ZBTB37: variants seen among roughly 807,000 people sequenced by gnomAD.
ZBTB37 encodes the protein zinc finger and BTB domain containing 37.
ZBTB37 carries 15 observed loss-of-function variants against 37.7 expected under a neutral mutation model. That is an observed-to-expected ratio of 0.40 (90% CI 0.27 to 0.61). ZBTB37 has a LOEUF of 0.61. Ranked by LOEUF, ZBTB37 falls within the 20% of genes least tolerant of loss-of-function variation. ZBTB37 has a pLI of 0.44. For synonymous variants in ZBTB37, 231 were observed against 220.6 expected (o/e 1.05, Z -0.42); for missense variants, 514 against 641.9 (o/e 0.80, Z 2.15).
upstream of ZBTB37, chr1:173,868,253 GAGGCA>G (rs145204276): frequency 0.092 from 14,009 of 153,006 alleles, 860 homozygotes; most frequent in East Asian, 0.31. Flanking sequence ...GAGGGGGCGC[GAGGCA>G]AGGAAAGCTC....
intron 3 of ZBTB37, among the ~76,000 whole-genome samples, chr1:173,873,158 C>T (rs549993321): frequency 6.6e-6 from 1 of 152,100 alleles, no homozygotes; most frequent in Admixed American, 6.5e-5. Context: ...AAATTATAGG[C>T]CCCGTTTTAA....
At chr1:173,899,155 A>T (rs1657163721) in exon 4 of ZBTB37, 1 of 152,208 alleles carries the variant, frequency 6.6e-6, no homozygotes, top group South Asian at 2.1e-4. Flanking sequence ...AGGGAGATGA[A>T]GTGGTAAAAT....
At position 173,870,841 on chromosome 1, in the gene ZBTB37, G is replaced by T. The variant is rs1477146055; in HGVS notation, c.616G>T (p.Glu206Ter). 1 of 1,614,244 alleles carries T rather than the reference G, an allele frequency of 6.2e-7. No homozygotes were observed. The highest frequency in any genetic ancestry group is 8.5e-7 in the Non-Finnish European group (1 of 1,180,050). Residue 206 changes from glutamate (E) to a stop codon, truncating the protein, a stop_gained, in exon 3 of 5, where the codon GAG becomes TAG. Coordinates refer to ENST00000427304, the Ensembl canonical transcript of ZBTB37. LOFTEE classifies it high-confidence loss of function. ...GATCATTGAACCAAGTTCTGATGTA[G>T]AGAGCCGGGAGCCCATTCTTCGGAT... is the stretch of plus-strand genomic sequence containing the variant.
chr1:173,870,363 C>G, exon 3 of ZBTB37: 1 of 1,614,166 alleles, frequency 6.2e-7, no homozygotes, highest in Non-Finnish European at 8.5e-7. Flanking sequence ...TTCGGGCTCA[C>G]AAAGTGGTGC....
downstream of ZBTB37, chr1:173,890,410 T>G (rs1373908068): frequency 2.0e-5 from 3 of 152,192 alleles, no homozygotes; most frequent in Admixed American, 6.5e-5. Context: ...AAGTTTTTCT[T>G]TTTTTCAGGT....
rs536370004 is a variant in ZBTB37 at position 173,879,958 on chromosome 1, C to G, written c.1024-5678C>G. ...AAAGCGAGACTGTCTCAAAAAAGAACATGGAGAAAGACCAGCACATTATAT... is the reference window on the plus strand; with the variant it reads ...AAAGCGAGACTGTCTCAAAAAAGAAGATGGAGAAAGACCAGCACATTATAT... On this transcript the variant is annotated intron_variant, in intron 4 of 4. Coordinates refer to ENST00000427304, the Ensembl canonical transcript of ZBTB37. Among the ~76,000 whole-genome samples the G allele has an allele frequency of 1.8e-4, 28 of 152,198 alleles. No individual in the cohort carries two copies. In the South Asian group the frequency reaches 5.8e-3, roughly 32 times the overall value.
chr1:173,881,202 G>GT (rs960517291), intron 4 of ZBTB37, among the ~76,000 whole-genome samples: 4 of 152,044 alleles, frequency 2.6e-5, no homozygotes, highest in Non-Finnish European at 5.9e-5. Flanking sequence ...AGAACATGAG[G>GT]TGTTTGGTTT....
rs149212906 is a variant in ZBTB37 at position 173,878,424 on chromosome 1, G to GAGA, written c.1023+4861_1023+4863dup. On this transcript the variant is annotated intron_variant, in intron 4 of 4. Transcript: ENST00000427304. ...ATGCATTCTATTTTCCCAGGGAAAGGAGAAGGGAAGGAAGGGGAAAGAGTC... is the reference window on the plus strand; with the variant it reads ...ATGCATTCTATTTTCCCAGGGAAAGGAGAAGAAGGGAAGGAAGGGGAAAGAGTC... 4.3e-3 allele frequency among the ~76,000 whole-genome samples: 656 copies of GAGA among 152,274 alleles called. 5 individuals carry two copies. The highest frequency in any genetic ancestry group is 0.015 in the African/African-American group (628 of 41,536).
At chr1:173,891,522 A>G (rs758415931), downstream of ZBTB37, 2 of 152,144 alleles carry the variant, frequency 1.3e-5, no homozygotes, top group African/African-American at 2.4e-5. Flanking sequence ...TTCTAAATAC[A>G]TATTGGACCA....
exon 4 of ZBTB37, chr1:173,873,477 T>G: frequency 6.2e-7 from 1 of 1,610,660 alleles, no homozygotes; most frequent in Non-Finnish European, 8.5e-7. Flanking sequence ...ATTTAGCCCC[T>G]CCGGCAGTGT....
chr1:173,897,550 T>C (rs1353753243), exon 4 of ZBTB37: 1 of 152,232 alleles, frequency 6.6e-6, no homozygotes, highest in Non-Finnish European at 1.5e-5. Context: ...ATACTGTTGC[T>C]GTGAATTGCA....
chr1:173,884,228 T>TGCA (rs1333971317), intron 4 of ZBTB37, among the ~76,000 whole-genome samples: 2 of 151,880 alleles, frequency 1.3e-5, no homozygotes, highest in Non-Finnish European at 2.9e-5. Context: ...GACAGCTTAT[T>TGCA]GCAGCCTTGG....
chr1:173,888,505 G>A (rs1401223353), downstream of ZBTB37: 1 of 152,022 alleles, frequency 6.6e-6, no homozygotes, highest in Non-Finnish European at 1.5e-5. Context: ...ATAGCTCACT[G>A]TAATCTTGAA....
chr1:173,887,522 G>A (rs559844317), downstream of ZBTB37: 4 of 152,098 alleles, frequency 2.6e-5, no homozygotes, highest in Non-Finnish European at 5.9e-5. Flanking sequence ...TAGTAATTCT[G>A]GGTATTTCTA....
At chr1:173,898,680 A>G (rs1657148403) in exon 4 of ZBTB37, 1 of 152,182 alleles carries the variant, frequency 6.6e-6, no homozygotes, top group African/African-American at 2.4e-5. Context: ...GGTGTCAGAA[A>G]GTTGTTTCAA....
chr1:173,892,675 C>T (rs1202880786), exon 4 of ZBTB37: 6 of 152,034 alleles, frequency 3.9e-5, no homozygotes, highest in East Asian at 3.9e-4. Context: ...ATAGAGGGTA[C>T]GTATATAAAT....
At chr1:173,889,943 A>G (rs1214134962), downstream of ZBTB37, 2 of 152,204 alleles carry the variant, frequency 1.3e-5, no homozygotes, top group Non-Finnish European at 2.9e-5. Context: ...TTGAAGATAG[A>G]AAAAACTTTT....
chr1:173,886,184 G>C (rs1656613872), exon 5 of ZBTB37: 1 of 1,499,094 alleles, frequency 6.7e-7, no homozygotes, highest in South Asian at 1.3e-5. Flanking sequence ...GCCAGCATCA[G>C]AGCCATGGGC....
chr1:173,871,561 T>G (rs979952321), intron 3 of ZBTB37, among the ~76,000 whole-genome samples: 2 of 152,240 alleles, frequency 1.3e-5, no homozygotes, highest in African/African-American at 2.4e-5. Flanking sequence ...TTTGTAGCAC[T>G]GCTTGCTTTT....
Sources: allele counts gnomAD v4.1 joint callset (sites outside exome capture counted in the v4.1 genomes callset), GRCh38; gene constraint gnomAD v4.1.1; transcripts MANE v1.5; gene names NCBI Gene and HGNC (gene_info 2026-07-23, HGNC 2026-07-21).